FSD2: variants seen among roughly 807,000 people sequenced by gnomAD.
FSD2 encodes fibronectin type III and SPRY domain containing 2, also known as fibronectin type III and SPRY domain-containing protein 2.
A neutral mutation model predicts 80.4 loss-of-function variants in FSD2; 71 were observed. The ratio of observed to expected loss-of-function variants is 0.88; its 90% CI spans 0.73 to 1.08. FSD2 has a LOEUF of 1.08. Among genes scored for constraint, FSD2 ranks in the 50% least tolerant of loss-of-function variants. FSD2 has a pLI of 0.00. For synonymous variants in FSD2, 361 were observed against 329.5 expected, an observed-to-expected ratio of 1.10 and a Z score of -1.03; for missense variants, 923 against 913.8, an observed-to-expected ratio of 1.01 and a Z score of -0.13.
chr15:82,765,224 G>A lies in FSD2; in HGVS notation c.1762C>T (p.Arg588Ter), dbSNP rs974353158. 3.1e-6 allele frequency: 5 copies of A among 1,611,218 alleles called. No individual in the cohort carries two copies. Among genetic ancestry groups the A allele is most frequent in the Non-Finnish European group, 4.2e-6 (5 of 1,178,596 alleles). The change falls in exon 11 of 13, where the codon CGA (arginine) becomes TGA (stop). Residue 588 changes from arginine to a stop codon, truncating the protein, a stop_gained. Transcript: ENST00000334574. LOFTEE classifies it high-confidence loss of function. ...CTGGCGGGGGTTCTCCTTTCACTTCGTACAGCCGTAAGTCCGTCTTCAGAA... is the reference window on the plus strand; with the variant it reads ...CTGGCGGGGGTTCTCCTTTCACTTCATACAGCCGTAAGTCCGTCTTCAGAA... ...TISEDGLTAV[R>*]SERRTPAREL... is the part of the protein sequence containing the mutation.
chr15:82,771,241 C>T (rs2049563269), intron 7 of FSD2, among the ~76,000 whole-genome samples: 1 of 152,246 alleles, frequency 6.6e-6, no homozygotes, highest in Non-Finnish European at 1.5e-5. Flanking sequence ...CCATAACTCA[C>T]TGTGTCCTCA....
intron 1 of FSD2, among the ~76,000 whole-genome samples, chr15:82,792,788 G>C (rs369227738): frequency 6.6e-6 from 1 of 152,102 alleles, no homozygotes; most frequent in Admixed American, 6.6e-5. Flanking sequence ...ATGAGCCACC[G>C]TGTCTGGCCT....
At chr15:82,771,816 TGGTCCCAGGGACAACTCTGACCCA>T (rs2049581663) in intron 7 of FSD2, among the ~76,000 whole-genome samples, 1 of 152,236 alleles carries the variant, frequency 6.6e-6, no homozygotes, top group Non-Finnish European at 1.5e-5. Flanking sequence ...AGCCAGAGAC[TGGTCCCAGGGACAACTCTGACCCA>T]ATGGCTGTAG....
rs1004340322 is a variant in FSD2 at position 82,772,232 on chromosome 15, GGAAAA to G, written c.1112-9_1112-5del. ...TTTATGACTGGAGCAGAAGGAGCTA[GGAAAA>G]GAAAAGAAAAAAGAAGAGGAACCTC... On this transcript the variant is annotated splice_polypyrimidine_tract_variant and splice_region_variant and intron_variant, in intron 6 of 12. Coordinates refer to ENST00000334574, the MANE Select transcript of FSD2 (RefSeq NM_001007122.4). 11 of 1,606,462 alleles carry G rather than the reference GGAAAA, an allele frequency of 6.8e-6. No homozygotes were observed. The highest frequency in any genetic ancestry group is 1.6e-4 in the Middle Eastern group (1 of 6,076).
intron 1 of FSD2, among the ~76,000 whole-genome samples, chr15:82,801,023 A>T (rs1487923375): frequency 6.6e-6 from 1 of 152,166 alleles, no homozygotes; most frequent in East Asian, 1.9e-4. Flanking sequence ...CCTTCCCCAT[A>T]GAAAGCCTTT....
intron 11 of FSD2, among the ~76,000 whole-genome samples, chr15:82,763,092 C>T (rs909096548): frequency 2.0e-5 from 3 of 152,214 alleles, no homozygotes; most frequent in Non-Finnish European, 4.4e-5. Flanking sequence ...ACCTCGGTTA[C>T]CTCACCTATA....
chr15:82,770,153 G>A (rs1304888542), intron 7 of FSD2, among the ~76,000 whole-genome samples: 2 of 152,210 alleles, frequency 1.3e-5, no homozygotes, highest in East Asian at 1.9e-4. Context: ...GGAAGTGCTC[G>A]TGCACAGGGG....
intron 1 of FSD2, among the ~76,000 whole-genome samples, chr15:82,800,880 C>A (rs1003536315): frequency 2.0e-5 from 3 of 151,986 alleles, no homozygotes; most frequent in Non-Finnish European, 4.4e-5. Flanking sequence ...GTTACCCCTT[C>A]TTCATTTTAA....
intron 6 of FSD2, among the ~76,000 whole-genome samples, chr15:82,778,517 G>T (rs937020917): frequency 2.6e-5 from 4 of 152,136 alleles, no homozygotes; most frequent in Non-Finnish European, 5.9e-5. Context: ...GAACGGAATT[G>T]TGGTTGCCAG....
chr15:82,783,132 A>G, intron 3 of FSD2, 107 bp from the exon 4 acceptor site: 1 of 786,932 alleles, frequency 1.3e-6, no homozygotes, highest in Non-Finnish European at 2.1e-6. Flanking sequence ...ACAGTCTTGC[A>G]GTGTTGCCCA....
At chr15:82,798,063 G>T (rs1324426038) in intron 1 of FSD2, among the ~76,000 whole-genome samples, 1 of 152,030 alleles carries the variant, frequency 6.6e-6, no homozygotes, top group East Asian at 1.9e-4. Context: ...TACAGGTCAG[G>T]TACAGTGGCT....
Position 82,758,236 on chromosome 15 carries a change from T to C in FSD2, c.*1112A>G, listed in dbSNP as rs1408163224. ...AATTGTAATTGCTTCACAAATGGAA[T>C]TATTCTGCAGCTTCACTCACAAGCT... On this transcript the variant is annotated 3_prime_UTR_variant, in exon 13 of 13. Coordinates refer to ENST00000334574, the MANE Select transcript of FSD2 (RefSeq NM_001007122.4). The C allele has an allele frequency of 6.6e-6, 1 of 152,194 alleles. No homozygotes were observed. The highest frequency in any genetic ancestry group is 2.4e-5 in the African/African-American group (1 of 41,434). 9.4% of individuals were successfully genotyped at this position (152,194 alleles called of 1,614,324 possible). A position where few individuals can be genotyped will look rare whatever the true frequency, so the allele number is the denominator to read the frequency against.
intron 1 of FSD2, among the ~76,000 whole-genome samples, chr15:82,801,898 G>A (rs2050422206): frequency 6.6e-6 from 1 of 152,166 alleles, no homozygotes; most frequent in Admixed American, 6.5e-5. Flanking sequence ...ACAGGATCAG[G>A]TCCACCCCTA....
intron 1 of FSD2, among the ~76,000 whole-genome samples, chr15:82,804,737 A>T (rs537119702): frequency 6.6e-6 from 1 of 152,382 alleles, no homozygotes; most frequent in South Asian, 2.1e-4. Context: ...ACTGGAAAAC[A>T]CTTAGTGCAA....
chr15:82,789,325 T>C (rs2050082690), intron 1 of FSD2, among the ~76,000 whole-genome samples: 1 of 151,312 alleles, frequency 6.6e-6, no homozygotes, highest in Non-Finnish European at 1.5e-5. Context: ...TGTCCACTAT[T>C]TTAATGAAGT....
intron 1 of FSD2, among the ~76,000 whole-genome samples, chr15:82,791,049 A>G (rs1349977194): frequency 2.0e-5 from 3 of 151,490 alleles, no homozygotes; most frequent in Non-Finnish European, 4.4e-5. Context: ...CCCAGGCTGG[A>G]GTGCAGTGGC....
At chr15:82,796,067 A>G (rs2050260855) in intron 1 of FSD2, among the ~76,000 whole-genome samples, 1 of 136,470 alleles carries the variant, frequency 7.3e-6, no homozygotes, top group Admixed American at 8.4e-5. Context: ...CAGTGGCGCG[A>G]TCTCTGCTCA....
At chr15:82,799,271 T>G (rs2050353512) in intron 1 of FSD2, among the ~76,000 whole-genome samples, 1 of 152,192 alleles carries the variant, frequency 6.6e-6, no homozygotes, top group African/African-American at 2.4e-5. Flanking sequence ...GACTGCTCCA[T>G]GCCATTCAAT....
intron 9 of FSD2, 100 bp from the exon 10 acceptor site, chr15:82,766,131 C>T (rs750176025): frequency 1.7e-5 from 23 of 1,319,246 alleles, no homozygotes; most frequent in East Asian, 2.7e-5. Flanking sequence ...CTCACTCTTG[C>T]GCTCCTGTCC....
Sources: allele counts gnomAD v4.1 joint callset (sites outside exome capture counted in the v4.1 genomes callset), GRCh38; gene constraint gnomAD v4.1.1; transcripts MANE v1.5; gene names NCBI Gene and HGNC (gene_info 2026-07-23, HGNC 2026-07-21).